The following EHMT1 variants were observed in gnomAD, a reference collection of about 807,000 sequenced individuals.
The protein encoded by EHMT1 is euchromatic histone lysine methyltransferase 1.
In EHMT1, 15 loss-of-function variants were observed where a neutral mutation model predicts 147.2. The ratio of observed to expected loss-of-function variants is 0.10; its 90% CI spans 0.07 to 0.16. The LOEUF (loss-of-function observed/expected upper bound fraction) is 0.16, where lower values mean the gene tolerates loss of function less well. Among genes scored for constraint, EHMT1 ranks in the 10% least tolerant of loss-of-function variants. EHMT1 has a pLI of 1.00. For missense variants in EHMT1, 1,587 were observed against 1,772.4 expected (o/e 0.90, Z 1.88); for synonymous variants, 795 against 709.6 (o/e 1.12, Z -1.91).
chr9:137,808,828 C>T (rs547832745), intron 18 of EHMT1, among the ~76,000 whole-genome samples: 1 of 152,214 alleles, frequency 6.6e-6, no homozygotes, highest in South Asian at 2.1e-4. Flanking sequence ...GAGGCTAAGG[C>T]ACGAGAATCG....
chr9:137,789,217 C>CCCCGGGGAAGGACA (rs1952293811), intron 15 of EHMT1: 1 of 152,416 alleles, frequency 6.6e-6, no homozygotes, highest in Non-Finnish European at 1.5e-5. Flanking sequence ...CACCCATCGT[C>CCCCGGGGAAGGACA]CCCTATGCTC....
intron 1 of EHMT1, among the ~76,000 whole-genome samples, chr9:137,644,502 A>G (rs1484626213): frequency 6.6e-6 from 1 of 151,988 alleles, no homozygotes; most frequent in Admixed American, 6.5e-5. Context: ...TAATTTTTGT[A>G]TTTTTAATAG....
chr9:137,725,796 C>T (rs1946566862), intron 3 of EHMT1, among the ~76,000 whole-genome samples: 1 of 152,114 alleles, frequency 6.6e-6, no homozygotes, highest in Admixed American at 6.5e-5. Flanking sequence ...GCCGTGAGAG[C>T]CAGCCCCAAG....
In EHMT1 at chr9:137,703,355, G is replaced by T. The variant is rs142657399; in HGVS notation, c.22-7612G>T. Among the ~76,000 whole-genome samples the T allele has an allele frequency of 1.3e-3, 197 of 152,224 alleles. 3 individuals carry two copies. The highest frequency in any genetic ancestry group is 4.4e-3 in the African/African-American group (183 of 41,546). On this transcript the variant is annotated intron_variant, in intron 1 of 26. Coordinates refer to ENST00000460843, the MANE Select transcript of EHMT1 (RefSeq NM_024757.5). ...AATGTGCTTTTTTTCCTACCACATG[G>T]TCAGGCTGCAAAATTTCCAAACTTT...
At position 137,732,042 on chromosome 9, in the gene EHMT1, C is replaced by G. The variant is rs1413139573; in HGVS notation, c.823+3513C>G. 2.0e-5 allele frequency among the ~76,000 whole-genome samples: 3 copies of G among 152,248 alleles called. No individual in the cohort carries two copies. The highest frequency in any genetic ancestry group is 2.0e-4 in the Admixed American group (3 of 15,288). ...GGGAGAGTGTGCTATAGCTCTCTTG[C>G]TGTCACCACCCACAGTACGGGCTGG... On this transcript the variant is annotated intron_variant, in intron 4 of 26. Transcript: ENST00000460843. The surrounding 1 kb of genome is among the most constrained non-coding windows in gnomAD (Gnocchi z 4.6).
At chr9:137,661,633 G>A (rs1045779558) in intron 1 of EHMT1, among the ~76,000 whole-genome samples, 5 of 151,240 alleles carry the variant, frequency 3.3e-5, no homozygotes, top group Admixed American at 6.6e-5. Flanking sequence ...CTACAGGTGC[G>A]CACCACCATG....
At position 137,670,510 on chromosome 9, in the gene EHMT1, T is replaced by C. The variant is rs555105094; in HGVS notation, c.22-40457T>C. Among the ~76,000 whole-genome samples, 17 of 152,248 alleles carry C rather than the reference T, an allele frequency of 1.1e-4. No homozygotes were observed. The East Asian group carries it at 3.3e-3, about 29-fold the overall frequency. ...TCCTGTGCCCACGTGCGAGCTCCGTTTCCTGCTCCCTTCATGGCTTCCCAT... is the reference window on the plus strand; with the variant it reads ...TCCTGTGCCCACGTGCGAGCTCCGTCTCCTGCTCCCTTCATGGCTTCCCAT... On this transcript the variant is annotated intron_variant, in intron 1 of 26. Coordinates refer to ENST00000460843, the MANE Select transcript of EHMT1 (RefSeq NM_024757.5).
At chr9:137,806,154 T>G (rs1238928752) in intron 18 of EHMT1, among the ~76,000 whole-genome samples, 1 of 151,326 alleles carries the variant, frequency 6.6e-6, no homozygotes, top group Non-Finnish European at 1.5e-5. Context: ...GGGATGGGGG[T>G]TTCACCATGT....
intron 4 of EHMT1, among the ~76,000 whole-genome samples, chr9:137,737,469 ATACTGGACCCT>A (rs1363641497): frequency 6.6e-6 from 1 of 152,200 alleles, no homozygotes; most frequent in Non-Finnish European, 1.5e-5. Context: ...CAGAAGAGTG[ATACTGGACCCT>A]TACCTCACAC....
intron 1 of EHMT1, among the ~76,000 whole-genome samples, chr9:137,622,416 G>A (rs927643456): frequency 6.6e-6 from 1 of 152,016 alleles, no homozygotes; most frequent in Non-Finnish European, 1.5e-5. Context: ...CACCGCCCCC[G>A]GCCGATCATC....
Position 137,811,633 on chromosome 9 carries a change from C to T in EHMT1, c.2867+18C>T. On this transcript the variant is annotated intron_variant, in intron 19 of 26. Transcript: ENST00000460843. ...TGTGTCGTGTGAGTGCAGTGCTTCCCCCAGCGCGGGCTGGCGCTGACCTGA... is the reference window on the plus strand; with the variant it reads ...TGTGTCGTGTGAGTGCAGTGCTTCCTCCAGCGCGGGCTGGCGCTGACCTGA... 1 of 1,599,552 alleles carries T rather than the reference C, an allele frequency of 6.3e-7. No homozygotes were observed. The highest frequency in any genetic ancestry group is 8.5e-7 in the Non-Finnish European group (1 of 1,179,894).
At chr9:137,707,272 G>C (rs1490329342) in intron 1 of EHMT1, among the ~76,000 whole-genome samples, 3 of 152,198 alleles carry the variant, frequency 2.0e-5, no homozygotes, top group Non-Finnish European at 2.9e-5. Flanking sequence ...AGCACCCTAG[G>C]AGCAGCCCCT....
Position 137,744,053 on chromosome 9 carries a change from C to G in EHMT1, c.1133C>G (p.Ser378Cys). ...AAFPTEDSRTSKESMSEADRA... is the reference protein window; with the variant it reads ...AAFPTEDSRTCKESMSEADRA... ...TTCCCCACAGAGGACAGCAGGACTTCCAAGGAGAGCATGTCGGAGGCTGAT... is the reference window on the plus strand; with the variant it reads ...TTCCCCACAGAGGACAGCAGGACTTGCAAGGAGAGCATGTCGGAGGCTGAT... The change falls in exon 6 of 27, where the codon TCC (serine) becomes TGC (cysteine). Residue 378 changes from serine to cysteine, a missense_variant. Physicochemically the swap from Ser to Cys is moderately radical, Grantham distance 112. Transcript: ENST00000460843. 6.2e-7 allele frequency: 1 copy of G among 1,614,120 alleles called. No homozygotes were observed. Among genetic ancestry groups the G allele is most frequent in the Non-Finnish European group, 8.5e-7 (1 of 1,180,036 alleles).
At chr9:137,706,462 T>C (rs1339563535) in intron 1 of EHMT1, among the ~76,000 whole-genome samples, 1 of 152,270 alleles carries the variant, frequency 6.6e-6, no homozygotes, top group Non-Finnish European at 1.5e-5. Context: ...AGCATTTCTG[T>C]CACTGTTATG....
At chr9:137,823,807 C>T (rs1955628302) in intron 25 of EHMT1, among the ~76,000 whole-genome samples, 1 of 152,248 alleles carries the variant, frequency 6.6e-6, no homozygotes, top group South Asian at 2.1e-4. Context: ...ACCCACCCGC[C>T]TCAGCCTCCC....
intron 1 of EHMT1, among the ~76,000 whole-genome samples, chr9:137,632,669 G>T (rs565096339): frequency 1.9e-4 from 29 of 152,312 alleles, no homozygotes; most frequent in African/African-American, 6.7e-4. Flanking sequence ...CTCCTACGGT[G>T]CTGGGATTAC....
intron 25 of EHMT1, among the ~76,000 whole-genome samples, chr9:137,824,406 C>T (rs1453600185): frequency 2.0e-5 from 3 of 152,186 alleles, no homozygotes; most frequent in African/African-American, 7.2e-5. Flanking sequence ...ATTCTCTTGA[C>T]TGATAGTAAA....
At chr9:137,626,520 GTCTC>G in intron 1 of EHMT1, among the ~76,000 whole-genome samples, 1 of 134,670 alleles carries the variant, frequency 7.4e-6, no homozygotes, top group South Asian at 2.3e-4. Context: ...GAGAGAGACT[GTCTC>G]TAACCAAAAA....
intron 1 of EHMT1, among the ~76,000 whole-genome samples, chr9:137,670,480 T>C (rs1332592362): frequency 6.6e-6 from 1 of 152,170 alleles, no homozygotes; most frequent in African/African-American, 2.4e-5. Context: ...CTCTGGACTC[T>C]GGTGTCCTGT....
Sources: allele counts gnomAD v4.1 joint callset (sites outside exome capture counted in the v4.1 genomes callset), GRCh38; gene constraint gnomAD v4.1.1; non-coding constraint Gnocchi (gnomAD v3.1); transcripts MANE v1.5; gene names NCBI Gene and HGNC (gene_info 2026-07-23, HGNC 2026-07-21).